Variants in G3BP1 observed in about 807,000 individuals in gnomAD.
G3BP1 encodes the protein ras GTPase-activating protein-binding protein 1.
A neutral mutation model predicts 58.6 loss-of-function variants in G3BP1; 35 were observed. The ratio of observed to expected loss-of-function variants is 0.60; its 90% confidence interval spans 0.46 to 0.79. The LOEUF (loss-of-function observed/expected upper bound fraction) is 0.79, where lower values mean the gene tolerates loss of function less well. Among genes scored for constraint, G3BP1 ranks in the 30% least tolerant of loss-of-function variants. The pLI, the probability that G3BP1 is intolerant of heterozygous loss-of-function variation, is 0.00. For synonymous variants in G3BP1, 191 were observed against 195.4 expected (o/e 0.98, Z 0.19); for missense variants, 523 against 580.8 (o/e 0.90, Z 1.02).
intron 1 of G3BP1, among the ~76,000 whole-genome samples, chr5:151,782,071 C>A (rs1467170925): frequency 6.6e-6 from 1 of 152,002 alleles, no homozygotes; most frequent in Non-Finnish European, 1.5e-5. Flanking sequence ...CCAGGTGACA[C>A]AAGAGAGTGG....
At chr5:151,795,436 T>C in intron 5 of G3BP1, 43 bp from the exon 6 acceptor site, 1 of 988,974 alleles carries the variant, frequency 1.0e-6, no homozygotes, top group South Asian at 1.4e-5. Flanking sequence ...TATATGTGAA[T>C]TCAGTAAGTA....
Position 151,810,684 on chromosome 5 carries a change from A to AT in G3BP1, c.*6593_*6594insT, listed in dbSNP as rs1561540403. 6.6e-6 allele frequency: 1 copy of AT among 152,236 alleles called. No homozygotes were observed. Among genetic ancestry groups the AT allele is most frequent in the African/African-American group, 2.4e-5 (1 of 41,460 alleles). 9.4% of individuals were successfully genotyped at this position (152,236 alleles called of 1,614,324 possible). A position where few individuals can be genotyped will look rare whatever the true frequency, so the allele number is the denominator to read the frequency against. On this transcript the variant is annotated 3_prime_UTR_variant, in exon 12 of 12. Transcript: ENST00000356245. ...CCAGAAGGTACAGTGACTCATAACTAGAGTCTTTAGATGAAACTTACTGAG... is the reference window on the plus strand; with the variant it reads ...CCAGAAGGTACAGTGACTCATAACTATGAGTCTTTAGATGAAACTTACTGAG...
rs935358059 is a variant in G3BP1, at chr5:151,810,943, T to C, written c.*6852T>C. 8 of 152,368 alleles carry C rather than the reference T, an allele frequency of 5.3e-5. No individual in the cohort carries two copies. Among genetic ancestry groups the C allele is most frequent in the African/African-American group, 1.9e-4 (8 of 41,592 alleles). The allele number at this position is 152,368 out of a possible 1,614,324, so 9.4% of individuals were successfully genotyped here. ...TGTGCCTAGTATATCCCAGACAGTT[T>C]GTTTCTATGCAGAAGAATTTTATAT... On this transcript the variant is annotated 3_prime_UTR_variant, in exon 12 of 12. Transcript: ENST00000356245.
chr5:151,791,867 G>A, intron 4 of G3BP1: 1 of 320,580 alleles, frequency 3.1e-6, no homozygotes, highest in Non-Finnish European at 6.1e-6. Context: ...ATATTCGTCA[G>A]GCTGGTCTCT....
At chr5:151,782,469 C>G (rs1762484726) in intron 1 of G3BP1, among the ~76,000 whole-genome samples, 1 of 152,158 alleles carries the variant, frequency 6.6e-6, no homozygotes, top group Non-Finnish European at 1.5e-5. Context: ...CTGGTAAACT[C>G]AAGGTCATGT....
At position 151,805,706 on chromosome 5, in the gene G3BP1, A is replaced by G. The variant is rs1376762884; in HGVS notation, c.*1615A>G. 1 of 152,232 alleles carries G rather than the reference A, an allele frequency of 6.6e-6. No individual in the cohort carries two copies. The highest frequency in any genetic ancestry group is 6.5e-5 in the Admixed American group (1 of 15,280). The allele number at this position is 152,232 out of a possible 1,614,324, so 9.4% of individuals were successfully genotyped here. On this transcript the variant is annotated 3_prime_UTR_variant, in exon 12 of 12. Coordinates refer to ENST00000356245, the MANE Select transcript of G3BP1 (RefSeq NM_005754.3). ...CCTTTACATAAACTTAATGTAACTGAATCACATGGCTTTTTTGTAGGGTTA... is the reference window on the plus strand; with the variant it reads ...CCTTTACATAAACTTAATGTAACTGGATCACATGGCTTTTTTGTAGGGTTA...
chr5:151,786,895 T>G, intron 2 of G3BP1, 180 bp downstream of exon 2: 1 of 527,290 alleles, frequency 1.9e-6, no homozygotes, highest in Non-Finnish European at 3.4e-6. Context: ...CAGACTGGAG[T>G]GCAGTGGTGC....
rs1762264076 is a variant in G3BP1 at position 151,771,983 on chromosome 5, A to ACGCAGTTGCGTGAGGGGTTTGTG, written c.-102_-101insGCAGTTGCGTGAGGGGTTTGTGC. The ACGCAGTTGCGTGAGGGGTTTGTG allele has an allele frequency of 1.3e-5, 2 of 152,454 alleles. No homozygotes were observed. The highest frequency in any genetic ancestry group is 6.5e-5 in the Admixed American group (1 of 15,304). 9.4% of individuals were successfully genotyped at this position (152,454 alleles called of 1,614,324 possible). The stretch of plus-strand genomic sequence containing the variant: ...GGACGCAGTTGCGTGAGGGGTTTGT[A>ACGCAGTTGCGTGAGGGGTTTGTG]CTATCCTCGGTGCTGTGGTGCAGAG... On this transcript the variant is annotated 5_prime_UTR_variant, in exon 1 of 12. Transcript: ENST00000356245.
In G3BP1 at chr5:151,807,520, T is replaced by G. The variant is rs1172097109; in HGVS notation, c.*3429T>G. Reference sequence around the variant, plus strand: ...TGGGTTTTGTGAGTCTTTTTTTGATTTGCAGATTATATATGGTAACACAAT... The same window carrying G: ...TGGGTTTTGTGAGTCTTTTTTTGATGTGCAGATTATATATGGTAACACAAT... On this transcript the variant is annotated 3_prime_UTR_variant, in exon 12 of 12. Coordinates refer to ENST00000356245, the MANE Select transcript of G3BP1 (RefSeq NM_005754.3). 6.6e-6 allele frequency: 1 copy of G among 152,220 alleles called. No homozygotes were observed. Among genetic ancestry groups the G allele is most frequent in the Non-Finnish European group, 1.5e-5 (1 of 68,034 alleles). The allele number at this position is 152,220 out of a possible 1,614,324, so 9.4% of individuals were successfully genotyped here. A position where few individuals can be genotyped will look rare whatever the true frequency, so the allele number is the denominator to read the frequency against.
At chr5:151,786,751 C>T (rs1372270337) in intron 2 of G3BP1, 36 bp downstream of exon 2, 3 of 1,184,228 alleles carry the variant, frequency 2.5e-6, no homozygotes, top group Admixed American at 1.7e-5. Context: ...CTAATGCTGT[C>T]TTTTAGTATG....
chr5:151,781,814 G>T (rs543687128), intron 1 of G3BP1, among the ~76,000 whole-genome samples: 1 of 152,106 alleles, frequency 6.6e-6, no homozygotes, highest in South Asian at 2.1e-4. Context: ...TAAATGATTG[G>T]TTATATTATT....
At chr5:151,777,368 T>G (rs1762390823) in intron 1 of G3BP1, among the ~76,000 whole-genome samples, 1 of 152,228 alleles carries the variant, frequency 6.6e-6, no homozygotes, top group Non-Finnish European at 1.5e-5. Flanking sequence ...TTTTTTAAAG[T>G]AAAAAGACCA....
rs369876029 is a variant in G3BP1, at chr5:151,795,592, C to G, written c.539+17C>G. ...AGTTGTCAGGTAAGAAGATTTTGTT[C>G]ACATGTCCGGGGCTGCATAAGAACT... On this transcript the variant is annotated intron_variant, in intron 6 of 11. Transcript: ENST00000356245. 4 of 1,320,638 alleles carry G rather than the reference C, an allele frequency of 3.0e-6. No individual in the cohort carries two copies. The African/African-American group carries it at 5.8e-5, about 19-fold the overall frequency. 81.8% of individuals were successfully genotyped at this position (1,320,638 alleles called of 1,614,324 possible). A position where few individuals can be genotyped will look rare whatever the true frequency, so the allele number is the denominator to read the frequency against.
chr5:151,800,183 CTT>C, intron 9 of G3BP1, 33 bp from the exon 10 acceptor site: 3 of 1,604,576 alleles, frequency 1.9e-6, no homozygotes, highest in Non-Finnish European at 2.6e-6. Flanking sequence ...TCTTCTTTCT[CTT>C]GTCTTTCATT....
intron 2 of G3BP1, among the ~76,000 whole-genome samples, chr5:151,788,732 G>T (rs1458664106): frequency 6.6e-6 from 1 of 151,856 alleles, no homozygotes; most frequent in Non-Finnish European, 1.5e-5. Context: ...TCCTGCCTCA[G>T]CCTCCTGAGT....
chr5:151,804,023 C>T lies in G3BP1; in HGVS notation c.1333C>T (p.Pro445Ser), dbSNP rs1263803156. The T allele has an allele frequency of 6.2e-7, 1 of 1,613,022 alleles. No individual in the cohort carries two copies. The highest frequency in any genetic ancestry group is 1.1e-5 in the South Asian group (1 of 90,846). Residue 445 changes from proline to serine, a missense_variant, in exon 12 of 12, where the codon CCT (proline) becomes TCT (serine). Pro to Ser is a moderately conservative substitution (Grantham distance 74). Transcript: ENST00000356245. Reference sequence around the variant, plus strand: ...TGGGCTGGGTGGTGGAATGAGAGGCCCTCCCCGTGGAGGCATGGTGCAGAA... The same window carrying T: ...TGGGCTGGGTGGTGGAATGAGAGGCTCTCCCCGTGGAGGCATGGTGCAGAA... ...RGGLGGGMRG[P>S]PRGGMVQKPG...
rs370590152 is a variant in G3BP1 at position 151,797,290 on chromosome 5, A to T, written c.603A>T (p.Glu201Asp). The T allele has an allele frequency of 1.5e-5, 25 of 1,613,154 alleles. No individual in the cohort carries two copies. Among genetic ancestry groups the T allele is most frequent in the Non-Finnish European group, 1.7e-6 (2 of 1,179,240 alleles). ...AACCAGAGCCTGATCCTGAACCAGA[A>T]CCAGAACAAGAACCTGTATCTGAAA... ...VAEPEPDPEP[E>D]PEQEPVSEIQ... is the part of the protein sequence containing the mutation. Residue 201 changes from glutamate to aspartate, a missense_variant, in exon 7 of 12, where the codon GAA (glutamate) becomes GAT (aspartate). Glu to Asp is a conservative substitution (Grantham distance 45). Transcript: ENST00000356245.
chr5:151,798,077 T>C (rs1348417044), intron 7 of G3BP1, among the ~76,000 whole-genome samples: 1 of 152,252 alleles, frequency 6.6e-6, no homozygotes, highest in Admixed American at 6.5e-5. Context: ...TGCTGTGTGT[T>C]AGGCATTGTT....
chr5:151,807,689 A>G lies in G3BP1; in HGVS notation c.*3598A>G, dbSNP rs528157269. The G allele has an allele frequency of 4.6e-5, 7 of 152,288 alleles. No individual in the cohort carries two copies. In the South Asian group the frequency reaches 6.2e-4, roughly 14 times the overall value. 9.4% of individuals were successfully genotyped at this position (152,288 alleles called of 1,614,324 possible). On this transcript the variant is annotated 3_prime_UTR_variant, in exon 12 of 12. Coordinates refer to ENST00000356245, the MANE Select transcript of G3BP1 (RefSeq NM_005754.3). The stretch of plus-strand genomic sequence containing the variant: ...TTGTGTTTTGTGCTTATAAACTGTC[A>G]CCTTCTGATACTTTTCTTCATCCCT...
Sources: allele counts gnomAD v4.1 joint callset (sites outside exome capture counted in the v4.1 genomes callset), GRCh38; gene constraint gnomAD v4.1.1; transcripts MANE v1.5; gene names NCBI Gene and HGNC (gene_info 2026-07-23, HGNC 2026-07-21).